The following PXDNL variants were observed in gnomAD, a reference collection of about 807,000 sequenced individuals.
The protein encoded by PXDNL is peroxidasin like.
A neutral mutation model predicts 150.8 loss-of-function variants in PXDNL; 145 were observed. The ratio of observed to expected loss-of-function variants is 0.96; its 90% CI spans 0.84 to 1.10. PXDNL has a LOEUF of 1.10. Among genes scored for constraint, PXDNL ranks in the 50% least tolerant of loss-of-function variants. The probability of loss-of-function intolerance (pLI) is 0.00; values close to 1 mark genes in which losing one functional copy is unlikely to be tolerated. For missense variants in PXDNL, 2,087 were observed against 1,873.9 expected (o/e 1.11, Z -2.10); for synonymous variants, 757 against 725.7 (o/e 1.04, Z -0.69).
chr8:51,685,331 T>C (rs750559058), intron 1 of PXDNL, among the ~76,000 whole-genome samples: 1 of 152,180 alleles, frequency 6.6e-6, no homozygotes, highest in Admixed American at 6.5e-5. Context: ...CTGCCCCACA[T>C]AATACAGGTT....
At chr8:51,454,694 ATAAAT>A (rs945681447) in intron 9 of PXDNL, among the ~76,000 whole-genome samples, 9 of 152,340 alleles carry the variant, frequency 5.9e-5, no homozygotes, top group African/African-American at 2.2e-4. Context: ...GAAAGTGGAA[ATAAAT>A]TAAATTAATC....
chr8:51,652,148 C>T (rs894650308), intron 2 of PXDNL, among the ~76,000 whole-genome samples: 1 of 151,960 alleles, frequency 6.6e-6, no homozygotes, highest in Non-Finnish European at 1.5e-5. Context: ...TCACCAGATG[C>T]TTGATTTCAT....
rs370274981 is a variant in PXDNL, at chr8:51,408,507, G to A, written c.3117C>T (p.Asn1039=). 1.2e-6 allele frequency: 2 copies of A among 1,613,266 alleles called. No individual in the cohort carries two copies. The highest frequency in any genetic ancestry group is 2.2e-5 in the South Asian group (2 of 90,924). ...AAGAGTTAATGATGCCTGCATTCAC[G>A]TTGGGGTTGTAGCCTCGGTAACCCC... is the stretch of plus-strand genomic sequence containing the variant. ...MLRGYRGYNP[N]VNAGIINSFA... Residue 1039 remains asparagine, a synonymous_variant, in exon 17 of 23, where the codon AAC becomes AAT. Coordinates refer to ENST00000356297, the MANE Select transcript of PXDNL (RefSeq NM_144651.5).
chr8:51,630,100 A>G (rs987450991), intron 2 of PXDNL, among the ~76,000 whole-genome samples: 2 of 152,198 alleles, frequency 1.3e-5, no homozygotes, highest in Non-Finnish European at 2.9e-5. Flanking sequence ...ACATAGACCA[A>G]TGGAAAAGAA....
chr8:51,659,903 ATTTT>A (rs1815233651), intron 1 of PXDNL, among the ~76,000 whole-genome samples: 1 of 139,740 alleles, frequency 7.2e-6, no homozygotes, highest in Admixed American at 7.0e-5. Flanking sequence ...TTATTTATTT[ATTTT>A]GAGAAGGAGT....
chr8:51,377,714 G>C (rs959532871), intron 17 of PXDNL, among the ~76,000 whole-genome samples: 1 of 152,216 alleles, frequency 6.6e-6, no homozygotes, highest in Non-Finnish European at 1.5e-5. Context: ...GCTGGCCAGC[G>C]CTGCGCTCGA....
At chr8:51,679,594 G>T (rs1000771197) in intron 1 of PXDNL, among the ~76,000 whole-genome samples, 3 of 152,122 alleles carry the variant, frequency 2.0e-5, no homozygotes, top group Non-Finnish European at 4.4e-5. Flanking sequence ...CCCATCCTTG[G>T]ATCTACATGC....
intron 12 of PXDNL, among the ~76,000 whole-genome samples, chr8:51,434,866 AGAGAT>A (rs1323295691): frequency 6.6e-6 from 1 of 152,218 alleles, no homozygotes; most frequent in Non-Finnish European, 1.5e-5. Flanking sequence ...GCCTCTTTAC[AGAGAT>A]GAGGTAGTAA....
rs368334102 is a variant in PXDNL, at chr8:51,499,692, C to A, written c.452+7G>T. 5.6e-6 allele frequency: 9 copies of A among 1,605,052 alleles called. No homozygotes were observed. Among genetic ancestry groups the A allele is most frequent in the Non-Finnish European group, 6.0e-6 (7 of 1,171,930 alleles). ...AAGCAAAGGACATCTAAAGGGTCAACACTTACAGTCGCTCTAATCTCAGAA... is the reference window on the plus strand; with the variant it reads ...AAGCAAAGGACATCTAAAGGGTCAAAACTTACAGTCGCTCTAATCTCAGAA... On this transcript the variant is annotated splice_region_variant and intron_variant, in intron 5 of 22. Coordinates refer to ENST00000356297, the MANE Select transcript of PXDNL (RefSeq NM_144651.5).
rs1264062860 is a variant in PXDNL at position 51,474,970 on chromosome 8, ACGGCAATT to A, written c.688_694+1del. The A allele has an allele frequency of 6.3e-7, 1 of 1,585,112 alleles. No homozygotes were observed. Among genetic ancestry groups the A allele is most frequent in the Non-Finnish European group, 8.6e-7 (1 of 1,164,600 alleles). On this transcript the variant is annotated splice_donor_variant and coding_sequence_variant, in exon 7 of 23. Coordinates refer to ENST00000356297, the MANE Select transcript of PXDNL (RefSeq NM_144651.5). LOFTEE classifies it high-confidence loss of function. The stretch of plus-strand genomic sequence containing the variant: ...CTTATGTACACATTGAAATTTACGT[ACGGCAATT>A]GAATTCCTCTACTGTTACTGAAGCA...
intron 3 of PXDNL, among the ~76,000 whole-genome samples, chr8:51,578,021 GGAAGGA>G (rs1301933304): frequency 1.3e-4 from 15 of 115,146 alleles, no homozygotes; most frequent in African/African-American, 5.9e-4. Context: ...AAGGAAGGAA[GGAAGGA>G]AGGAAGGAAG....
In PXDNL at chr8:51,423,846, T is replaced by C. The variant is rs939009219; in HGVS notation, c.1639-115A>G. On this transcript the variant is annotated intron_variant, in intron 13 of 22. Coordinates refer to ENST00000356297, the MANE Select transcript of PXDNL (RefSeq NM_144651.5). ...ACAGATATCTATTGCACGTTTGCTG[T>C]GTGTCAAGTACTGGAGGAGATACAT... is the stretch of plus-strand genomic sequence containing the variant. 6.6e-6 allele frequency: 6 copies of C among 914,242 alleles called. No homozygotes were observed. The African/African-American group carries it at 1.0e-4, about 15-fold the overall frequency. 56.6% of individuals were successfully genotyped at this position (914,242 alleles called of 1,614,324 possible).
chr8:51,601,584 C>T lies in PXDNL; in HGVS notation c.237-8886G>A, dbSNP rs1315967000. Among the ~76,000 whole-genome samples, 6 of 151,886 alleles carry T rather than the reference C, an allele frequency of 4.0e-5. No individual in the cohort carries two copies. In the East Asian group the frequency reaches 9.6e-4, roughly 24 times the overall value. ...TTTGCATGGCAGATTTTTCACTAAC[C>T]CTCTGCTTTGAGCCTATCGGTGTCA... On this transcript the variant is annotated intron_variant, in intron 2 of 22. Transcript: ENST00000356297.
At chr8:51,569,861 A>G (rs1288442294) in intron 3 of PXDNL, among the ~76,000 whole-genome samples, 2 of 151,986 alleles carry the variant, frequency 1.3e-5, no homozygotes, top group Non-Finnish European at 2.9e-5. Context: ...AAAATCTTCT[A>G]AAGTGCCTTG....
chr8:51,807,415 C>A (rs1447197898), intron 1 of PXDNL, among the ~76,000 whole-genome samples: 1 of 152,180 alleles, frequency 6.6e-6, no homozygotes, highest in East Asian at 1.9e-4. Context: ...AATCCGCCCC[C>A]ACTATCCAAT....
intron 17 of PXDNL, among the ~76,000 whole-genome samples, chr8:51,401,565 G>T (rs1808248862): frequency 6.6e-6 from 1 of 152,194 alleles, no homozygotes; most frequent in African/African-American, 2.4e-5. Flanking sequence ...AGAGCGCATG[G>T]TAGTCACAAA....
At chr8:51,694,689 C>A (rs1003028188) in intron 1 of PXDNL, among the ~76,000 whole-genome samples, 1 of 152,172 alleles carries the variant, frequency 6.6e-6, no homozygotes, top group African/African-American at 2.4e-5. Context: ...TGATCTCAAA[C>A]AAAGCATTAA....
At chr8:51,546,244 A>C (rs1812359877) in intron 4 of PXDNL, among the ~76,000 whole-genome samples, 1 of 152,192 alleles carries the variant, frequency 6.6e-6, no homozygotes, top group South Asian at 2.1e-4. Context: ...GGAACCTAAA[A>C]ATCCAGATCA....
At chr8:51,365,297 T>C (rs1806879439) in intron 19 of PXDNL, among the ~76,000 whole-genome samples, 1 of 152,232 alleles carries the variant, frequency 6.6e-6, no homozygotes, top group Non-Finnish European at 1.5e-5. Context: ...AAAATTGCTC[T>C]AGATCACTTA....
Sources: gnomAD v4.1 joint callset for allele counts (sites outside exome capture counted in the v4.1 genomes callset) on GRCh38, gnomAD v4.1.1 for gene constraint, MANE v1.5 for transcripts, NCBI Gene and HGNC (gene_info 2026-07-23, HGNC 2026-07-21) for gene names.